VPS41: variants seen among roughly 807,000 people sequenced by gnomAD.
VPS41 encodes the protein vacuolar protein sorting-associated protein 41 homolog.
A neutral mutation model predicts 130.9 loss-of-function variants in VPS41; 85 were observed. That is an observed-to-expected ratio of 0.65 (90% CI 0.55 to 0.78). VPS41 has a LOEUF of 0.78. VPS41 is among the 30% of genes least tolerant of loss of function. The probability of loss-of-function intolerance (pLI) is 0.00; values close to 1 mark genes in which losing one functional copy is unlikely to be tolerated. For missense variants in VPS41, 874 were observed against 1,018.7 expected (o/e 0.86, Z 1.93); for synonymous variants, 335 against 332.9 (o/e 1.01, Z -0.07).
intron 1 of VPS41, among the ~76,000 whole-genome samples, chr7:38,903,220 C>T (rs1030388454): frequency 9.2e-5 from 14 of 152,196 alleles, no homozygotes; most frequent in African/African-American, 3.1e-4. Context: ...TTCTCTCATA[C>T]AGGCTTTCAA....
At chr7:38,812,414 T>C (rs1784962214) in intron 7 of VPS41, among the ~76,000 whole-genome samples, 1 of 152,098 alleles carries the variant, frequency 6.6e-6, no homozygotes, top group South Asian at 2.1e-4. Flanking sequence ...ACACCTAATT[T>C]AAGAGTAAAA....
At chr7:38,783,795 CA>C (rs1784393836) in intron 10 of VPS41, among the ~76,000 whole-genome samples, 1 of 151,960 alleles carries the variant, frequency 6.6e-6, no homozygotes, top group South Asian at 2.1e-4. Flanking sequence ...GGATAAAAAT[CA>C]AAATTTGTTT....
chr7:38,778,014 A>T (rs1784292637), intron 10 of VPS41, among the ~76,000 whole-genome samples: 1 of 152,184 alleles, frequency 6.6e-6, no homozygotes. Context: ...GATCCTCCTT[A>T]CGCAGCTGTT....
chr7:38,897,196 A>AAAG (rs1417205703), intron 2 of VPS41, among the ~76,000 whole-genome samples: 1 of 150,506 alleles, frequency 6.6e-6, no homozygotes, highest in African/African-American at 2.4e-5. Flanking sequence ...CTCTGTCTCA[A>AAAG]AAAAAAAAAA....
chr7:38,750,332 A>G (rs1783641885), intron 22 of VPS41, among the ~76,000 whole-genome samples: 1 of 152,256 alleles, frequency 6.6e-6, no homozygotes, highest in Non-Finnish European at 1.5e-5. Flanking sequence ...TCTCTTATGA[A>G]GAAGTCTCAG....
At chr7:38,855,374 G>A (rs925382024) in intron 4 of VPS41, among the ~76,000 whole-genome samples, 1 of 152,220 alleles carries the variant, frequency 6.6e-6, no homozygotes, top group Middle Eastern at 3.4e-3. Context: ...TGATCCTCCA[G>A]ACACTCATAC....
At chr7:38,818,539 GTT>G (rs1004906784) in intron 6 of VPS41, among the ~76,000 whole-genome samples, 1 of 152,148 alleles carries the variant, frequency 6.6e-6, no homozygotes, top group Admixed American at 6.5e-5. Context: ...CCTTGTTACT[GTT>G]TCCTTCATTT....
chr7:38,867,545 C>CA (rs978128090), intron 3 of VPS41, among the ~76,000 whole-genome samples: 187 of 132,038 alleles, frequency 1.4e-3, no homozygotes, highest in East Asian at 4.7e-3. Flanking sequence ...GACTCCATCT[C>CA]AAAAAAAAAA....
At chr7:38,886,409 TC>T (rs1786732573) in intron 2 of VPS41, among the ~76,000 whole-genome samples, 2 of 152,148 alleles carry the variant, frequency 1.3e-5, no homozygotes, top group Non-Finnish European at 2.9e-5. Flanking sequence ...AACGCAGCAG[TC>T]TAAGATTGAC....
intron 4 of VPS41, among the ~76,000 whole-genome samples, chr7:38,852,300 T>C (rs1042196334): frequency 8.5e-5 from 13 of 152,158 alleles, no homozygotes; most frequent in African/African-American, 3.1e-4. Context: ...CATTGCAAGA[T>C]CCAGTCAGAT....
chr7:38,878,337 T>C (rs922459019), intron 2 of VPS41, among the ~76,000 whole-genome samples: 4 of 152,202 alleles, frequency 2.6e-5, no homozygotes, highest in African/African-American at 9.6e-5. Context: ...GAAAGGTACA[T>C]GGCTCAGGCT....
intron 2 of VPS41, among the ~76,000 whole-genome samples, chr7:38,896,662 ATC>A (rs1446936385): frequency 6.6e-6 from 1 of 152,108 alleles, no homozygotes; most frequent in African/African-American, 2.4e-5. Flanking sequence ...CTGATATATA[ATC>A]TGTTCTCTAG....
intron 2 of VPS41, among the ~76,000 whole-genome samples, chr7:38,883,882 T>A (rs1383144960): frequency 6.6e-6 from 1 of 152,234 alleles, no homozygotes; most frequent in Non-Finnish European, 1.5e-5. Flanking sequence ...GGAATGTTTA[T>A]CCATGCCTGA....
At chr7:38,775,969 C>T (rs938694314) in intron 11 of VPS41, among the ~76,000 whole-genome samples, 13 of 152,252 alleles carry the variant, frequency 8.5e-5, no homozygotes, top group African/African-American at 2.6e-4. Flanking sequence ...TGCCTTGAAG[C>T]CACCCCTATT....
At chr7:38,742,567 A>AT (rs1280794695) in intron 24 of VPS41, among the ~76,000 whole-genome samples, 6 of 152,098 alleles carry the variant, frequency 3.9e-5, no homozygotes, top group Non-Finnish European at 8.8e-5. Flanking sequence ...CTAATAAGTA[A>AT]TGTGCCCAAA....
chr7:38,730,618 A>G (rs927890232), intron 25 of VPS41, among the ~76,000 whole-genome samples: 3 of 152,340 alleles, frequency 2.0e-5, no homozygotes, highest in Non-Finnish European at 2.9e-5. Flanking sequence ...CTGCATTAAA[A>G]CATACAGGTA....
Position 38,849,499 on chromosome 7 carries a change from G to C in VPS41, c.246+13046C>G, listed in dbSNP as rs117415571. On this transcript the variant is annotated intron_variant, in intron 4 of 28. Transcript: ENST00000310301. ...GAGTGGTAGCTCTCAGCAGATGGGG[G>C]AGCCCGAAAGGAGACAGTTTTCTCC... Among the ~76,000 whole-genome samples the C allele has an allele frequency of 5.0e-3, 754 of 152,262 alleles. 7 individuals carry two copies. The highest frequency in any genetic ancestry group is 5.8e-3 in the Non-Finnish European group (397 of 68,016).
At chr7:38,864,212 C>T (rs545816813) in intron 3 of VPS41, among the ~76,000 whole-genome samples, 35 of 152,302 alleles carry the variant, frequency 2.3e-4, no homozygotes, top group African/African-American at 7.5e-4. Context: ...CGCTTTAATG[C>T]TGCCATTCTC....
At chr7:38,751,074 A>C (rs1783662813) in intron 22 of VPS41, among the ~76,000 whole-genome samples, 1 of 152,230 alleles carries the variant, frequency 6.6e-6, no homozygotes, top group Admixed American at 6.5e-5. Flanking sequence ...CCCCAAATAT[A>C]AAATGCTAAT....
Sources: gnomAD v4.1 joint callset for allele counts (sites outside exome capture counted in the v4.1 genomes callset) on GRCh38, gnomAD v4.1.1 for gene constraint, MANE v1.5 for transcripts, NCBI Gene and HGNC (gene_info 2026-07-23, HGNC 2026-07-21) for gene names.